Variants in SUPT3H observed in about 807,000 individuals in gnomAD.
SUPT3H encodes the protein transcription initiation protein SPT3 homolog.
Under a neutral mutation model 44.3 loss-of-function variants are expected in SUPT3H, and 44 were observed. That is an observed-to-expected ratio of 0.99 (90% confidence interval 0.78 to 1.28). The LOEUF (loss-of-function observed/expected upper bound fraction) is 1.28. SUPT3H is among the 50% of genes most tolerant of loss of function. SUPT3H has a pLI of 0.00. For synonymous variants in SUPT3H, 124 were observed against 125.6 expected (o/e 0.99, Z 0.09); for missense variants, 380 against 387.1 (o/e 0.98, Z 0.15).
At chr6:45,040,203 C>T (rs1562319150) in intron 3 of SUPT3H, among the ~76,000 whole-genome samples, 2 of 152,178 alleles carry the variant, frequency 1.3e-5, no homozygotes, top group East Asian at 1.9e-4. Flanking sequence ...ATGAGCATGG[C>T]TGTGTTCTGA....
At chr6:44,844,595 T>G (rs1158659755) in intron 10 of SUPT3H, among the ~76,000 whole-genome samples, 1 of 152,202 alleles carries the variant, frequency 6.6e-6, no homozygotes, top group Admixed American at 6.5e-5. Context: ...ATAACACAGA[T>G]GAACTTCAAA....
intron 10 of SUPT3H, among the ~76,000 whole-genome samples, chr6:44,904,256 A>T (rs1273852672): frequency 6.6e-6 from 1 of 152,206 alleles, no homozygotes; most frequent in Admixed American, 6.5e-5. Flanking sequence ...ACATGATTGT[A>T]TATCTAGAAA....
rs1219418073 is a variant in SUPT3H at position 45,314,078 on chromosome 6, G to A, written c.101+51123C>T. Among the ~76,000 whole-genome samples, 9 of 152,030 alleles carry A rather than the reference G, an allele frequency of 5.9e-5. No homozygotes were observed. The East Asian group carries it at 7.7e-4, about 13-fold the overall frequency. On this transcript the variant is annotated intron_variant, in intron 2 of 10. Coordinates refer to ENST00000371459, the MANE Select transcript of SUPT3H (RefSeq NM_003599.4). ...CTCAATCGATGCAGAAAAAGCATTC[G>A]ACAAAATCCAGCATCCCTTTATGAT... is the stretch of plus-strand genomic sequence containing the variant.
chr6:45,346,767 A>C (rs1790967910), intron 2 of SUPT3H, among the ~76,000 whole-genome samples: 1 of 151,984 alleles, frequency 6.6e-6, no homozygotes, highest in East Asian at 1.9e-4. Flanking sequence ...CAGTTTCACC[A>C]TGTTGGTCAG....
intron 3 of SUPT3H, among the ~76,000 whole-genome samples, chr6:45,044,844 C>A (rs1292760344): frequency 6.6e-6 from 1 of 152,092 alleles, no homozygotes; most frequent in Non-Finnish European, 1.5e-5. Flanking sequence ...CTCTGGCCAA[C>A]TGAGGAGTCA....
intron 2 of SUPT3H, among the ~76,000 whole-genome samples, chr6:45,201,826 G>C (rs1762493572): frequency 6.6e-6 from 1 of 151,752 alleles, no homozygotes; most frequent in African/African-American, 2.4e-5. Flanking sequence ...ACTAAAACAT[G>C]TGTGTTCTTA....
intron 5 of SUPT3H, among the ~76,000 whole-genome samples, chr6:45,010,009 C>G (rs1337850177): frequency 1.3e-5 from 2 of 152,004 alleles, no homozygotes; most frequent in Non-Finnish European, 2.9e-5. Context: ...TCTAGGCCTT[C>G]TTTCAACAAT....
At chr6:45,186,723 CT>C (rs906447629) in intron 2 of SUPT3H, among the ~76,000 whole-genome samples, 54 of 152,314 alleles carry the variant, frequency 3.5e-4, no homozygotes, top group African/African-American at 1.3e-3. Flanking sequence ...CTCTTCTCCC[CT>C]GACCCAGGTC....
At chr6:44,937,506 C>T (rs185037364) in intron 9 of SUPT3H, among the ~76,000 whole-genome samples, 12 of 150,768 alleles carry the variant, frequency 8.0e-5, no homozygotes, top group Admixed American at 3.3e-4. Context: ...AAAAAAAAAC[C>T]GTACTGTTTT....
intron 2 of SUPT3H, among the ~76,000 whole-genome samples, chr6:45,115,558 G>C (rs543723436): frequency 1.8e-4 from 28 of 151,932 alleles, no homozygotes; most frequent in African/African-American, 6.3e-4. Flanking sequence ...GAGTTACATA[G>C]CATTGAAAAA....
chr6:45,128,591 T>TACAC (rs1802912324), intron 2 of SUPT3H, among the ~76,000 whole-genome samples: 7 of 129,540 alleles, frequency 5.4e-5, no homozygotes, highest in African/African-American at 2.1e-4. Context: ...CACATACACA[T>TACAC]ATATATATAT....
chr6:45,233,681 T>G (rs1768502889), intron 2 of SUPT3H, among the ~76,000 whole-genome samples: 2 of 152,202 alleles, frequency 1.3e-5, no homozygotes, highest in African/African-American at 4.8e-5. Context: ...GATTCTGGTG[T>G]TCTCTCCTAT....
chr6:45,293,106 A>AT (rs1161880934), intron 2 of SUPT3H, among the ~76,000 whole-genome samples: 3 of 152,110 alleles, frequency 2.0e-5, no homozygotes, highest in African/African-American at 7.2e-5. Context: ...GCCTCAATAA[A>AT]TTTAAGAAAA....
chr6:44,852,679 TAGA>T (rs1390450365), intron 10 of SUPT3H, among the ~76,000 whole-genome samples: 2 of 152,350 alleles, frequency 1.3e-5, no homozygotes, highest in Non-Finnish European at 1.5e-5. Flanking sequence ...ACTATTTTCA[TAGA>T]AGAACAGCTA....
intron 10 of SUPT3H, among the ~76,000 whole-genome samples, chr6:44,868,316 C>T (rs1775827835): frequency 6.6e-6 from 1 of 152,068 alleles, no homozygotes; most frequent in Admixed American, 6.6e-5. Flanking sequence ...GAATAAAACC[C>T]CAGGAAAACG....
chr6:45,063,409 C>G (rs1162077084), intron 3 of SUPT3H, among the ~76,000 whole-genome samples: 1 of 150,970 alleles, frequency 6.6e-6, no homozygotes, highest in Non-Finnish European at 1.5e-5. Flanking sequence ...CGTCTCTCCT[C>G]CTCCAAAGGA....
intron 3 of SUPT3H, among the ~76,000 whole-genome samples, chr6:45,070,172 T>C (rs745428734): frequency 5.3e-5 from 8 of 152,138 alleles, no homozygotes; most frequent in Non-Finnish European, 1.2e-4. Flanking sequence ...ATTTTCCAGA[T>C]TGACTTCGCA....
At chr6:44,898,723 T>C (rs1014902311) in intron 10 of SUPT3H, 9 of 152,370 alleles carry the variant, frequency 5.9e-5, no homozygotes, top group East Asian at 5.8e-4. Flanking sequence ...TGTGCACACC[T>C]GGACTGCACA....
intron 2 of SUPT3H, among the ~76,000 whole-genome samples, chr6:45,141,338 C>CAAAAAAAAAAAAAAAAAAAAAAAAA (rs1162738855): frequency 2.2e-5 from 1 of 45,280 alleles, no homozygotes; most frequent in African/African-American, 1.1e-4. Context: ...GACTCCATCT[C>CAAAAAAAAAAAAAAAAAAAAAAAAA]AAAAAAAAAA....
Sources: allele counts gnomAD v4.1 joint callset (sites outside exome capture counted in the v4.1 genomes callset), GRCh38; gene constraint gnomAD v4.1.1; transcripts MANE v1.5; gene names NCBI Gene and HGNC (gene_info 2026-07-23, HGNC 2026-07-21).